Variants in ZNF786 observed in about 807,000 individuals in gnomAD.
The protein encoded by ZNF786 is zinc finger protein 786.
A neutral mutation model predicts 63.1 loss-of-function variants in ZNF786; 56 were observed. The ratio of observed to expected loss-of-function variants is 0.89; its 90% CI spans 0.72 to 1.11. The LOEUF (loss-of-function observed/expected upper bound fraction) is 1.11. Ranked by LOEUF, ZNF786 falls within the 50% of genes least tolerant of loss-of-function variation. ZNF786 has a pLI of 0.00. For synonymous variants in ZNF786, 485 were observed against 406.9 expected (o/e 1.19, Z -2.31); for missense variants, 1,213 against 1,041.8 (o/e 1.16, Z -2.26).
intron 1 of ZNF786, among the ~76,000 whole-genome samples, chr7:149,089,019 C>T (rs1254397122): frequency 1.3e-5 from 2 of 149,218 alleles, no homozygotes; most frequent in South Asian, 4.2e-4. Context: ...TGCAGTGGCG[C>T]GATCTCGGCT....
At chr7:149,075,197 T>C (rs1444793626) in intron 2 of ZNF786, among the ~76,000 whole-genome samples, 1 of 152,182 alleles carries the variant, frequency 6.6e-6, no homozygotes, top group Non-Finnish European at 1.5e-5. Flanking sequence ...AAGTTGGTTA[T>C]GGCAAAAATG....
At position 149,070,901 on chromosome 7, in the gene ZNF786, G is replaced by A. The variant is rs765692939; in HGVS notation, c.1871C>T (p.Pro624Leu). ...CACGCGATAGCGCTTGTCGCACTCCGGACACTGGAAGGGCCTCTCTCCCGT... is the reference window on the plus strand; with the variant it reads ...CACGCGATAGCGCTTGTCGCACTCCAGACACTGGAAGGGCCTCTCTCCCGT... ...LHTGERPFQC[P>L]ECDKRYRVKA... Residue 624 changes from proline to leucine, a missense_variant, in exon 4 of 4, where the codon CCG becomes CTG. Transcript: ENST00000491431. 31 of 1,612,182 alleles carry A rather than the reference G, an allele frequency of 1.9e-5. No individual in the cohort carries two copies. The Admixed American group carries it at 3.7e-4, about 19-fold the overall frequency.
chr7:149,080,538 C>A, intron 2 of ZNF786, 53 bp downstream of exon 2: 3 of 1,471,056 alleles, frequency 2.0e-6, no homozygotes, highest in South Asian at 1.5e-5. Flanking sequence ...GTGACTGTGA[C>A]CCCTTACAGG....
Position 149,080,649 on chromosome 7 carries a change from C to T in ZNF786, c.87G>A (p.Trp29Ter), listed in dbSNP as rs752033911. ...TCACATGCTTGTAAAGTTCCTTCTG[C>T]CATGCCTCTAGATCCTGCCATTCTT... ...SEQEWQDLEA[W>*]QKELYKHVMR... is the part of the protein sequence containing the mutation. The change falls in exon 2 of 4, where the codon TGG (tryptophan) becomes TGA (stop). Residue 29 changes from tryptophan to a stop codon, truncating the protein, a stop_gained. Coordinates refer to ENST00000491431, the MANE Select transcript of ZNF786 (RefSeq NM_152411.4). LOFTEE classifies it high-confidence loss of function. 3.7e-6 allele frequency: 6 copies of T among 1,612,884 alleles called. No individual in the cohort carries two copies. The highest frequency in any genetic ancestry group is 5.1e-6 in the Non-Finnish European group (6 of 1,179,672).
At position 149,071,624 on chromosome 7, in the gene ZNF786, C is replaced by G. The variant is rs746737080; in HGVS notation, c.1148G>C (p.Arg383Thr). Reference sequence around the variant, plus strand: ...ATGCGCCCTGCAGGGGCTGGCGAGCCTGGCGCTCATAGGGGAGCGCTCGCC... The same window carrying G: ...ATGCGCCCTGCAGGGGCTGGCGAGCGTGGCGCTCATAGGGGAGCGCTCGCC... ...ECGERSPMSA[R>T]LASPCRAHTG... Residue 383 changes from arginine (R) to threonine (T), a missense_variant, in exon 4 of 4, where the codon AGG (arginine) becomes ACG (threonine). By Grantham distance (71) the Arg-to-Thr change is moderately conservative. Coordinates refer to ENST00000491431, the MANE Select transcript of ZNF786 (RefSeq NM_152411.4). The G allele has an allele frequency of 6.3e-7, 1 of 1,588,276 alleles. No individual in the cohort carries two copies. The highest frequency in any genetic ancestry group is 1.1e-5 in the South Asian group (1 of 88,756).
intron 2 of ZNF786, among the ~76,000 whole-genome samples, chr7:149,074,833 T>A (rs937692454): frequency 6.7e-5 from 10 of 150,164 alleles, no homozygotes; most frequent in Middle Eastern, 3.5e-3. Context: ...ATATATATAT[T>A]TTTAAAATTA....
chr7:149,070,444 C>T lies in ZNF786; in HGVS notation c.2328G>A (p.Met776Ile), dbSNP rs777328654. Residue 776 changes from methionine to isoleucine, a missense_variant, in exon 4 of 4, where the codon ATG (methionine) becomes ATA (isoleucine). Transcript: ENST00000491431. The part of the protein sequence containing the change: ...IKKRLSQLFA[M>I]IEADWS ...TGCCTCAACTCCAATCGGCCTCTAT[C>T]ATTGCAAACAGTTGGCTGAGCCTTT... 1 of 1,613,674 alleles carries T rather than the reference C, an allele frequency of 6.2e-7. No homozygotes were observed. The highest frequency in any genetic ancestry group is 1.1e-5 in the South Asian group (1 of 91,000).
In ZNF786 at chr7:149,072,034, A is replaced by G. The variant is rs374473704; in HGVS notation, c.738T>C (p.Gly246=). The G allele has an allele frequency of 1.1e-4, 170 of 1,612,778 alleles. No homozygotes were observed. Among genetic ancestry groups the G allele is most frequent in the Middle Eastern group, 6.6e-4 (4 of 6,058 alleles). The change falls in exon 4 of 4, where the codon GGT becomes GGC. Residue 246 remains glycine (G), a synonymous_variant. Transcript: ENST00000491431. Reference sequence around the variant, plus strand: ...GACACAGCTTCCGGCGGAAGCTCTTACCGCACACGCCACACCGGAAGTGCC... The same window carrying G: ...GACACAGCTTCCGGCGGAAGCTCTTGCCGCACACGCCACACCGGAAGTGCC... The part of the protein sequence containing the change: ...VQRHFRCGVC[G]KSFRRKLCLL...
Position 149,071,332 on chromosome 7 carries a change from G to C in ZNF786, c.1440C>G (p.Pro480=), listed in dbSNP as rs567715538. The C allele has an allele frequency of 1.2e-6, 2 of 1,613,402 alleles. No homozygotes were observed. The highest frequency in any genetic ancestry group is 4.5e-5 in the East Asian group (2 of 44,866). ...TCAGCCCACACTCTGGGCACTGAAA[G>C]GGCTTCTCGTCCGTGTGCAGCCGCT... ...RHQRLHTDEK[P]FQCPECGLSF... is the part of the protein sequence containing the mutation. Residue 480 remains proline, a synonymous_variant, in exon 4 of 4, where the codon CCC becomes CCG. Transcript: ENST00000491431.
At chr7:149,081,566 T>C (rs1825654687) in intron 1 of ZNF786, among the ~76,000 whole-genome samples, 1 of 151,890 alleles carries the variant, frequency 6.6e-6, no homozygotes, top group South Asian at 2.1e-4. Flanking sequence ...TCAGTTTTAA[T>C]AGATAACATC....
rs1481243844 is a variant in ZNF786, at chr7:149,071,128, C to T, written c.1644G>A (p.Leu548=). Residue 548 remains leucine (L), a synonymous_variant, in exon 4 of 4, where the codon CTG becomes CTA. Coordinates refer to ENST00000491431, the MANE Select transcript of ZNF786 (RefSeq NM_152411.4). ...GCTGGTGGGCCTTCAGGATGCCCTT[C>T]AGGCGGAAGCGCTTGTCGCACTTCA... The part of the protein sequence containing the change: ...QCLKCDKRFR[L]KGILKAHQHT... The T allele has an allele frequency of 3.7e-6, 6 of 1,611,742 alleles. No homozygotes were observed. Among genetic ancestry groups the T allele is most frequent in the South Asian group, 2.2e-5 (2 of 91,008 alleles).
intron 2 of ZNF786, 54 bp from the exon 3 acceptor site, chr7:149,074,592 A>G (rs993209958): frequency 1.0e-5 from 16 of 1,559,402 alleles, no homozygotes; most frequent in Non-Finnish European, 1.4e-5. Context: ...AAAGCACACT[A>G]AGTTTCTAAA....
chr7:149,074,559 G>A, intron 2 of ZNF786, 21 bp from the exon 3 acceptor site: 1 of 1,601,818 alleles, frequency 6.2e-7, no homozygotes, highest in Admixed American at 1.7e-5. Context: ...AAGTCAGACA[G>A]GGTAGTTTGG....
In ZNF786 at chr7:149,071,804, G is replaced by T; in HGVS notation, c.968C>A (p.Pro323Gln). 6.3e-7 allele frequency: 1 copy of T among 1,584,626 alleles called. No homozygotes were observed. Among genetic ancestry groups the T allele is most frequent in the South Asian group, 1.1e-5 (1 of 89,680 alleles). ...ARRCQHSREG[P>Q]ASWREGRGAS... The stretch of plus-strand genomic sequence containing the variant: ...CCCGCGGCCTTCTCTCCAAGAGGCC[G>T]GCCCCTCCCGGCTGTGCTGGCACCG... The change falls in exon 4 of 4, where the codon CCG (proline) becomes CAG (glutamine). Residue 323 changes from proline (P) to glutamine (Q), a missense_variant. Coordinates refer to ENST00000491431, the MANE Select transcript of ZNF786 (RefSeq NM_152411.4).
At chr7:149,078,197 T>C (rs146753577) in intron 2 of ZNF786, among the ~76,000 whole-genome samples, 127 of 151,946 alleles carry the variant, frequency 8.4e-4, no homozygotes, top group African/African-American at 2.9e-3. Flanking sequence ...CTGATAAGAA[T>C]GAAAAAAAGA....
In ZNF786 at chr7:149,071,866, GCC is replaced by G; in HGVS notation, c.904_905del (p.Gly302GlnfsTer137). The G allele has an allele frequency of 6.3e-7, 1 of 1,599,624 alleles. No individual in the cohort carries two copies. The highest frequency in any genetic ancestry group is 1.1e-5 in the South Asian group (1 of 90,704). On this transcript the variant is annotated frameshift_variant, in exon 4 of 4. Transcript: ENST00000491431. LOFTEE classifies it high-confidence loss of function. ...GEKPAQCTPC[G>X]KRSLPVDSTQ... ...TGCTGTCCACTGGGAGGGAGCGCTT[GCC>G]GCATGGGGTGCACTGGGCAGGCTTC...
chr7:149,076,396 T>C (rs1253123063), intron 2 of ZNF786, among the ~76,000 whole-genome samples: 1 of 147,224 alleles, frequency 6.8e-6, no homozygotes, highest in African/African-American at 2.5e-5. Flanking sequence ...ATTACAGGCA[T>C]GAGCCACCGT....
chr7:149,079,922 C>T (rs1392088742), intron 2 of ZNF786, among the ~76,000 whole-genome samples: 1 of 150,114 alleles, frequency 6.7e-6, no homozygotes, highest in Non-Finnish European at 1.5e-5. Flanking sequence ...CGCCTGTAAT[C>T]CAGCACTTTG....
chr7:149,079,859 G>T (rs1337906472), intron 2 of ZNF786, among the ~76,000 whole-genome samples: 1 of 146,252 alleles, frequency 6.8e-6, no homozygotes, highest in East Asian at 2.3e-4. Context: ...GTGAGCCACC[G>T]CGCCCAGCAG....
Sources: allele counts gnomAD v4.1 joint callset (sites outside exome capture counted in the v4.1 genomes callset), GRCh38; gene constraint gnomAD v4.1.1; transcripts MANE v1.5; gene names NCBI Gene and HGNC (gene_info 2026-07-23, HGNC 2026-07-21).